The following SNX6 variants were observed in gnomAD, a reference collection of about 807,000 sequenced individuals.
The protein encoded by SNX6 is sorting nexin-6.
A neutral mutation model predicts 63.0 loss-of-function variants in SNX6; 34 were observed. The ratio of observed to expected loss-of-function variants is 0.54; its 90% CI spans 0.41 to 0.72. The LOEUF (loss-of-function observed/expected upper bound fraction) is 0.72. Ranked by LOEUF, SNX6 falls within the 30% of genes least tolerant of loss-of-function variation. SNX6 has a pLI of 0.00. For synonymous variants in SNX6, 170 were observed against 164.2 expected (o/e 1.04, Z -0.27); for missense variants, 398 against 471.4 (o/e 0.84, Z 1.44).
At chr14:34,588,365 C>T (rs1397049491) in intron 8 of SNX6, among the ~76,000 whole-genome samples, 1 of 151,866 alleles carries the variant, frequency 6.6e-6, no homozygotes, top group East Asian at 1.9e-4. Context: ...TTAATGTGAT[C>T]CCCTTGCCTC....
intron 8 of SNX6, 101 bp from the exon 9 acceptor site, chr14:34,586,406 G>T: frequency 3.7e-6 from 2 of 538,990 alleles, no homozygotes; most frequent in Non-Finnish European, 3.2e-6. Flanking sequence ...AGACACTCTA[G>T]TAAAGAAAAT....
At chr14:34,569,059 T>A (rs1367220736) in intron 11 of SNX6, 1 of 1,270,940 alleles carries the variant, frequency 7.9e-7, no homozygotes, top group Non-Finnish European at 1.1e-6. Flanking sequence ...CTTCCCAGAC[T>A]TTCTGAGGAA....
At chr14:34,598,604 A>C (rs1233939989) in intron 6 of SNX6, among the ~76,000 whole-genome samples, 1 of 152,160 alleles carries the variant, frequency 6.6e-6, no homozygotes, top group Non-Finnish European at 1.5e-5. Context: ...AGTGGTCTTG[A>C]ACTCCTGACC....
intron 2 of SNX6, among the ~76,000 whole-genome samples, chr14:34,624,014 G>C (rs1477520034): frequency 2.0e-5 from 3 of 152,146 alleles, no homozygotes; most frequent in Non-Finnish European, 4.4e-5. Flanking sequence ...CTATTATATA[G>C]AGGTAGGGCT....
chr14:34,621,602 G>C (rs1312151820), intron 2 of SNX6, among the ~76,000 whole-genome samples: 3 of 152,180 alleles, frequency 2.0e-5, no homozygotes, highest in Non-Finnish European at 4.4e-5. Flanking sequence ...GTGGGGGCAG[G>C]TTAGATGCCT....
At chr14:34,600,441 TTC>T (rs1003476169) in intron 6 of SNX6, among the ~76,000 whole-genome samples, 24 of 150,884 alleles carry the variant, frequency 1.6e-4, no homozygotes, top group African/African-American at 5.6e-4. Context: ...TTTCTTCTTC[TTC>T]TTTTTTTTTT....
At position 34,575,825 on chromosome 14, in the gene SNX6, C is replaced by G. The variant is rs779306036; in HGVS notation, c.852G>C (p.Val284=). The G allele has an allele frequency of 1.3e-6, 2 of 1,587,810 alleles. No individual in the cohort carries two copies. The highest frequency in any genetic ancestry group is 3.5e-5 in the Admixed American group (2 of 57,122). ...FDKTRKIEAR[V]SADEDLKLSD... The stretch of plus-strand genomic sequence containing the variant: ...AAAGTTTGAGGTCTTCATCAGCAGA[C>G]ACTCGTGCTTCTATTTTCTGAAAAG... The change falls in exon 11 of 14, where the codon GTG becomes GTC. Residue 284 remains valine, a synonymous_variant. Coordinates refer to ENST00000362031, the MANE Select transcript of SNX6 (RefSeq NM_152233.4).
intron 13 of SNX6, among the ~76,000 whole-genome samples, chr14:34,565,080 T>TC (rs1881110344): frequency 6.8e-6 from 1 of 146,026 alleles, no homozygotes; most frequent in Admixed American, 6.8e-5. Flanking sequence ...GTCATGACTT[T>TC]TTTTTTTTTT....
Position 34,576,582 on chromosome 14 carries a change from G to A in SNX6, c.835-740C>T, listed in dbSNP as rs991784751. On this transcript the variant is annotated intron_variant, in intron 10 of 13. Coordinates refer to ENST00000362031, the MANE Select transcript of SNX6 (RefSeq NM_152233.4). ...TCCTGCCGCAGCCTCCCGAGTAGCT[G>A]GAATTACAGGCATGCACTGCCACGC... 2.0e-5 allele frequency among the ~76,000 whole-genome samples: 3 copies of A among 151,522 alleles called. No homozygotes were observed. In the South Asian group the frequency reaches 6.2e-4, roughly 32 times the overall value.
At chr14:34,567,593 T>C (rs1881243375) in intron 13 of SNX6, 93 bp downstream of exon 13, 2 of 953,522 alleles carry the variant, frequency 2.1e-6, no homozygotes, top group African/African-American at 1.6e-5. Context: ...AGTATCCCTA[T>C]GAGAACTGAC....
intron 2 of SNX6, chr14:34,629,490 G>A (rs1479938666): frequency 1.5e-5 from 7 of 482,386 alleles, no homozygotes; most frequent in South Asian, 3.1e-5. Flanking sequence ...AAGGGTGGGC[G>A]GGAGCAAGTT....
chr14:34,624,821 T>A (rs1400688010), intron 2 of SNX6, among the ~76,000 whole-genome samples: 2 of 152,116 alleles, frequency 1.3e-5, no homozygotes, highest in Non-Finnish European at 2.9e-5. Context: ...TTTTTTTGCT[T>A]ACTTGCTGCT....
At chr14:34,618,412 G>A (rs1883505851) in intron 2 of SNX6, among the ~76,000 whole-genome samples, 2 of 152,120 alleles carry the variant, frequency 1.3e-5, no homozygotes, top group African/African-American at 4.8e-5. Flanking sequence ...GTACAGTGGT[G>A]TGATCTCAGC....
intron 11 of SNX6, among the ~76,000 whole-genome samples, chr14:34,573,404 G>A (rs191762159): frequency 5.1e-4 from 77 of 151,884 alleles, no homozygotes; most frequent in African/African-American, 1.5e-3. Context: ...GTGAAACCCC[G>A]TATCTACTAA....
At chr14:34,604,312 TCA>T (rs1229840317) in intron 5 of SNX6, 5 of 1,226,410 alleles carry the variant, frequency 4.1e-6, no homozygotes, top group Middle Eastern at 2.3e-4. Context: ...CACTGGAAAA[TCA>T]CAGATTCTTC....
In SNX6 at chr14:34,605,735, G is replaced by A. The variant is rs1337474241; in HGVS notation, c.271-18C>T. 2.5e-6 allele frequency: 4 copies of A among 1,581,566 alleles called. No homozygotes were observed. The highest frequency in any genetic ancestry group is 4.5e-5 in the East Asian group (2 of 44,364). On this transcript the variant is annotated intron_variant, in intron 4 of 13. Transcript: ENST00000362031. ...GGTGGAATCTGTAACAGGACCAAAT[G>A]ACTAATTTTAAGGAAATTTTCATTT...
At chr14:34,629,725 G>A in intron 2 of SNX6, 182 bp downstream of exon 2, 2 of 1,023,110 alleles carry the variant, frequency 2.0e-6, no homozygotes, top group South Asian at 1.5e-5. Context: ...AATCGGAGCC[G>A]AGCGGCCCCT....
At chr14:34,602,849 G>A (rs1224478013) in intron 6 of SNX6, among the ~76,000 whole-genome samples, 3 of 150,090 alleles carry the variant, frequency 2.0e-5, no homozygotes, top group Non-Finnish European at 3.0e-5. Flanking sequence ...AGTGGCGGGC[G>A]CCTGTAGTCC....
In SNX6 at chr14:34,630,120, T is replaced by C. The variant is rs1216673535; in HGVS notation, c.-4A>G. On this transcript the variant is annotated 5_prime_UTR_variant, in exon 1 of 14. Transcript: ENST00000362031. ...CGCGGAGAACACCCACCATCATGGC[T>C]GCTCCGAGGCGAGGGCCGGCGCAGG... 10 of 1,357,136 alleles carry C rather than the reference T, an allele frequency of 7.4e-6. No individual in the cohort carries two copies. Among genetic ancestry groups the C allele is most frequent in the Non-Finnish European group, 9.4e-6 (10 of 1,060,956 alleles). 84.1% of individuals were successfully genotyped at this position (1,357,136 alleles called of 1,614,324 possible).
Sources: allele counts gnomAD v4.1 joint callset (sites outside exome capture counted in the v4.1 genomes callset), GRCh38; gene constraint gnomAD v4.1.1; transcripts MANE v1.5; gene names NCBI Gene and HGNC (gene_info 2026-07-23, HGNC 2026-07-21).